Variants in FTO observed in about 807,000 individuals in gnomAD.
The protein encoded by FTO is alpha-ketoglutarate-dependent dioxygenase FTO.
Under a neutral mutation model 63.9 loss-of-function variants are expected in FTO, and 47 were observed. The ratio of observed to expected loss-of-function variants is 0.74; its 90% CI spans 0.58 to 0.94. The LOEUF is 0.94. FTO is among the 40% of genes least tolerant of loss of function. The pLI is 0.00. For missense variants in FTO, 562 were observed against 618.1 expected, an observed-to-expected ratio of 0.91 and a Z score of 0.96; for synonymous variants, 207 against 224.4, an observed-to-expected ratio of 0.92 and a Z score of 0.69.
rs2079005920 is a variant in FTO, at chr16:53,826,345, C to A, written c.605C>A (p.Thr202Asn). The A allele has an allele frequency of 1.9e-6, 3 of 1,614,182 alleles. No individual in the cohort carries two copies. Among genetic ancestry groups the A allele is most frequent in the South Asian group, 1.1e-5 (1 of 91,080 alleles). ...AAGAGCAGAGCAGCATACAACGTAACTTTGCTGAATTTCATGGATCCTCAG... is the reference window on the plus strand; with the variant it reads ...AAGAGCAGAGCAGCATACAACGTAAATTTGCTGAATTTCATGGATCCTCAG... Reference protein sequence around the residue: ...DIKSRAAYNVTLLNFMDPQKM... With the variant: ...DIKSRAAYNVNLLNFMDPQKM... Residue 202 changes from threonine to asparagine, a missense_variant, in exon 3 of 9, where the codon ACT becomes AAT. Coordinates refer to ENST00000471389, the MANE Select transcript of FTO (RefSeq NM_001080432.3).
chr16:53,862,960 G>C (rs1003785811), intron 4 of FTO, among the ~76,000 whole-genome samples: 1 of 152,172 alleles, frequency 6.6e-6, no homozygotes, highest in Non-Finnish European at 1.5e-5. Flanking sequence ...AGTTATAGGA[G>C]AATCTCTTGA....
chr16:53,866,495 T>C (rs2080319635), intron 4 of FTO, among the ~76,000 whole-genome samples: 1 of 152,142 alleles, frequency 6.6e-6, no homozygotes, highest in Non-Finnish European at 1.5e-5. Flanking sequence ...ACAGTGAACA[T>C]ATTTGGGCCT....
chr16:53,816,836 T>G (rs1238230696), intron 2 of FTO, among the ~76,000 whole-genome samples: 1 of 152,224 alleles, frequency 6.6e-6, no homozygotes, highest in African/African-American at 2.4e-5. Flanking sequence ...TGGCTCACCT[T>G]GCTAGGACAT....
chr16:54,113,722 A>G lies in FTO; in HGVS notation c.*1807A>G, dbSNP rs1477311726. ...GTTTTCTTTAGCCCCTATGATGTTCATTTTTTGTTATATCCCATTAGGTGC... is the reference window on the plus strand; with the variant it reads ...GTTTTCTTTAGCCCCTATGATGTTCGTTTTTTGTTATATCCCATTAGGTGC... On this transcript the variant is annotated 3_prime_UTR_variant, in exon 9 of 9. Transcript: ENST00000471389. The G allele has an allele frequency of 1.3e-5, 2 of 151,908 alleles. No homozygotes were observed. The highest frequency in any genetic ancestry group is 4.8e-5 in the African/African-American group (2 of 41,336). The allele number at this position is 151,908 out of a possible 1,614,324, so 9.4% of individuals were successfully genotyped here. A position where few individuals can be genotyped will look rare whatever the true frequency, so the allele number is the denominator to read the frequency against.
intron 7 of FTO, among the ~76,000 whole-genome samples, chr16:53,901,898 T>C (rs957802341): frequency 6.6e-6 from 1 of 152,194 alleles, no homozygotes; most frequent in South Asian, 2.1e-4. Flanking sequence ...TTGATTCTGC[T>C]TAGGAATCTA....
rs116154914 is a variant in FTO at position 54,076,377 on chromosome 16, A to G, written c.1365-35385A>G. ...ATGAGAATAAAGGAGTCACTTTTTCAGAGCAGCACCCTAGAAACATATAAT... is the reference window on the plus strand; with the variant it reads ...ATGAGAATAAAGGAGTCACTTTTTCGGAGCAGCACCCTAGAAACATATAAT... On this transcript the variant is annotated intron_variant, in intron 8 of 8. Coordinates refer to ENST00000471389, the MANE Select transcript of FTO (RefSeq NM_001080432.3). Among the ~76,000 whole-genome samples, 208 of 152,276 alleles carry G rather than the reference A, an allele frequency of 1.4e-3. 1 individual carries two copies. Among genetic ancestry groups the G allele is most frequent in the African/African-American group, 4.8e-3 (201 of 41,568 alleles).
At chr16:53,877,659 A>G (rs909245099) in intron 5 of FTO, among the ~76,000 whole-genome samples, 2 of 152,072 alleles carry the variant, frequency 1.3e-5, no homozygotes, top group Non-Finnish European at 2.9e-5. Flanking sequence ...GACTATACGA[A>G]ACAACATTGC....
At chr16:53,825,006 T>TA (rs2151771847) in intron 2 of FTO, among the ~76,000 whole-genome samples, 1 of 152,308 alleles carries the variant, frequency 6.6e-6, no homozygotes, top group South Asian at 2.1e-4. Context: ...TGACCAATAT[T>TA]ACTCTCCTCC....
chr16:53,818,652 ATT>A (rs60422764), intron 2 of FTO, among the ~76,000 whole-genome samples: 57 of 143,038 alleles, frequency 4.0e-4, no homozygotes, highest in East Asian at 1.6e-3. Flanking sequence ...TTTTTATCCA[ATT>A]TTTTTTTTTT....
chr16:53,805,715 G>T (rs2078347127), intron 1 of FTO, among the ~76,000 whole-genome samples: 2 of 152,110 alleles, frequency 1.3e-5, no homozygotes, highest in African/African-American at 4.8e-5. Flanking sequence ...CTCCCAAAGT[G>T]CTGGGATTAC....
At chr16:54,094,365 A>G (rs2086463601) in intron 8 of FTO, among the ~76,000 whole-genome samples, 1 of 152,206 alleles carries the variant, frequency 6.6e-6, no homozygotes, top group South Asian at 2.1e-4. Flanking sequence ...CAGCACCGCA[A>G]AAACTTCAGT....
In FTO at chr16:54,070,607, A is replaced by C. The variant is rs1396178984; in HGVS notation, c.1365-41155A>C. The C allele has an allele frequency of 4.6e-5, 7 of 152,340 alleles. No homozygotes were observed. In the East Asian group the frequency reaches 1.3e-3, roughly 29 times the overall value. 9.4% of individuals were successfully genotyped at this position (152,340 alleles called of 1,614,324 possible). ...TCATGCGTTTCTTACTTATAGGGTC[A>C]AAAACACTTTCTAATACCACGGATG... On this transcript the variant is annotated intron_variant, in intron 8 of 8. Coordinates refer to ENST00000471389, the MANE Select transcript of FTO (RefSeq NM_001080432.3).
At position 54,104,603 on chromosome 16, in the gene FTO, G is replaced by T. The variant is rs553378278; in HGVS notation, c.1365-7159G>T. On this transcript the variant is annotated intron_variant, in intron 8 of 8. Coordinates refer to ENST00000471389, the MANE Select transcript of FTO (RefSeq NM_001080432.3). ...TGGGATTACAGGTGTGAACCACCTTGCCTGGCTCCTGAGGCCTCTTAAGCC... is the reference window on the plus strand; with the variant it reads ...TGGGATTACAGGTGTGAACCACCTTTCCTGGCTCCTGAGGCCTCTTAAGCC... Among the ~76,000 whole-genome samples, 28 of 152,256 alleles carry T rather than the reference G, an allele frequency of 1.8e-4. 1 individual carries two copies. The highest frequency in any genetic ancestry group is 1.8e-3 in the Admixed American group (28 of 15,294).
At chr16:53,950,784 T>C (rs1268504261) in intron 8 of FTO, among the ~76,000 whole-genome samples, 2 of 152,228 alleles carry the variant, frequency 1.3e-5, no homozygotes, top group Non-Finnish European at 2.9e-5. Flanking sequence ...GAGGACCTCA[T>C]GTTAGGACCT....
intron 7 of FTO, among the ~76,000 whole-genome samples, chr16:53,924,285 G>A (rs553247538): frequency 1.4e-4 from 21 of 152,254 alleles, no homozygotes; most frequent in Admixed American, 1.2e-3. Context: ...TGAGGAAACT[G>A]ATCAAAGAAA....
At chr16:53,876,753 C>T (rs1197418549) in intron 5 of FTO, among the ~76,000 whole-genome samples, 1 of 152,098 alleles carries the variant, frequency 6.6e-6, no homozygotes, top group Admixed American at 6.6e-5. Flanking sequence ...ATGGTAAAAC[C>T]CCGTCTTTAC....
chr16:54,095,986 T>A (rs1458126426), intron 8 of FTO, among the ~76,000 whole-genome samples: 1 of 152,202 alleles, frequency 6.6e-6, no homozygotes, highest in African/African-American at 2.4e-5. Context: ...CTGAATACAG[T>A]TTATAACCGA....
At chr16:54,098,880 T>G (rs555934592) in intron 8 of FTO, among the ~76,000 whole-genome samples, 2 of 152,204 alleles carry the variant, frequency 1.3e-5, no homozygotes, top group Non-Finnish European at 2.9e-5. Context: ...GTCTTCCAAT[T>G]TGCAAGAAGA....
At chr16:54,085,428 T>A (rs1339261787) in intron 8 of FTO, among the ~76,000 whole-genome samples, 1 of 152,244 alleles carries the variant, frequency 6.6e-6, no homozygotes, top group African/African-American at 2.4e-5. Flanking sequence ...TTTAGATTTT[T>A]ATTTTTTAGT....
Sources: allele counts gnomAD v4.1 joint callset (sites outside exome capture counted in the v4.1 genomes callset), GRCh38; gene constraint gnomAD v4.1.1; transcripts MANE v1.5; gene names NCBI Gene and HGNC (gene_info 2026-07-23, HGNC 2026-07-21).